Variants in ODR4 observed in about 807,000 individuals in gnomAD.
The protein encoded by ODR4 is protein odr-4 homolog.
A neutral mutation model predicts 60.2 loss-of-function variants in ODR4; 47 were observed. The observed-to-expected ratio is 0.78, with a 90% CI of 0.62 to 1.00. The LOEUF (loss-of-function observed/expected upper bound fraction) is 1.00. ODR4 is among the 50% of genes least tolerant of loss of function. ODR4 has a pLI of 0.00. For synonymous variants in ODR4, 178 were observed against 175.5 expected (o/e 1.01, Z -0.11); for missense variants, 488 against 530.8 (o/e 0.92, Z 0.79).
rs1413486983 is a variant in ODR4, at chr1:186,421,303, CAATTAT to C, written c.*2231_*2236del. The C allele has an allele frequency of 2.6e-5, 4 of 151,970 alleles. No homozygotes were observed. The highest frequency in any genetic ancestry group is 2.6e-4 in the Admixed American group (4 of 15,260). The allele number at this position is 151,970 out of a possible 1,614,324, so 9.4% of individuals were successfully genotyped here. On this transcript the variant is annotated 3_prime_UTR_variant, in exon 14 of 14. Transcript: ENST00000287859. ...AATTTAAACTGTTGTTTGTATAAAA[CAATTAT>C]AATGAAGTGTTTATAAGAAATTGTA...
intron 4 of ODR4, among the ~76,000 whole-genome samples, chr1:186,387,289 C>T (rs1191753786): frequency 2.0e-5 from 3 of 152,194 alleles, no homozygotes; most frequent in African/African-American, 4.8e-5. Flanking sequence ...ACTTTTCCAT[C>T]TTAAATAAAT....
chr1:186,398,858 T>G, intron 10 of ODR4, 96 bp from the exon 11 acceptor site: 1 of 816,274 alleles, frequency 1.2e-6, no homozygotes, highest in South Asian at 2.0e-5. Context: ...TGGGCATGAT[T>G]GTACTGGAAA....
rs536915930 is a variant in ODR4 at position 186,379,715 on chromosome 1, A to G, written c.-19-52A>G. On this transcript the variant is annotated intron_variant, in intron 1 of 13. Transcript: ENST00000287859. ...GCTAAACTACTCCCATGATAAAGAC[A>G]TTGCAAATGATATTTTACCTAAATG... The G allele has an allele frequency of 2.2e-3, 2,129 of 954,620 alleles. 5 individuals are homozygous for G. Among genetic ancestry groups the G allele is most frequent in the Non-Finnish European group, 2.6e-3 (1,609 of 626,986 alleles). 59.1% of individuals were successfully genotyped at this position (954,620 alleles called of 1,614,324 possible).
chr1:186,408,666 C>CA (rs1402279737), intron 12 of ODR4, among the ~76,000 whole-genome samples: 5 of 149,688 alleles, frequency 3.3e-5, no homozygotes, highest in Non-Finnish European at 5.9e-5. Context: ...AAACAATATA[C>CA]AAAAATGTAT....
chr1:186,424,958 C>T (rs1198205766), downstream of ODR4, among the ~76,000 whole-genome samples: 9 of 147,188 alleles, frequency 6.1e-5, no homozygotes, highest in Middle Eastern at 3.2e-3. Context: ...TCTACAGGGT[C>T]AGCCTAGATT....
intron 10 of ODR4, among the ~76,000 whole-genome samples, chr1:186,398,652 C>A (rs940908611): frequency 5.9e-5 from 9 of 152,022 alleles, no homozygotes; most frequent in African/African-American, 2.2e-4. Context: ...GATGGCTATA[C>A]AAGTTTAGTA....
At chr1:186,415,679 C>T (rs912624632) in intron 12 of ODR4, among the ~76,000 whole-genome samples, 1 of 152,126 alleles carries the variant, frequency 6.6e-6, no homozygotes, top group African/African-American at 2.4e-5. Flanking sequence ...TCTTTGTTTT[C>T]ATAGGATTCT....
rs1451627866 is a variant in ODR4 at position 186,375,988 on chromosome 1, AG to A, written c.-20+15del. 6.0e-5 allele frequency: 8 copies of A among 133,806 alleles called. No homozygotes were observed. The highest frequency in any genetic ancestry group is 1.1e-4 in the Non-Finnish European group (7 of 61,942). 8.3% of individuals were successfully genotyped at this position (133,806 alleles called of 1,614,324 possible). The stretch of plus-strand genomic sequence containing the variant: ...TTCTGAAAACAGGTAAGTCAGCCTA[AG>A]TGTAGTGTGTGTGTGTGTGTGTGTG... On this transcript the variant is annotated intron_variant, in intron 1 of 13. Coordinates refer to ENST00000287859, the MANE Select transcript of ODR4 (RefSeq NM_017847.6).
At chr1:186,402,792 G>A (rs77002915) in intron 11 of ODR4, among the ~76,000 whole-genome samples, 136 of 151,886 alleles carry the variant, frequency 9.0e-4, no homozygotes, top group African/African-American at 3.1e-3. Context: ...ATGGGGCTTT[G>A]TTATGTTGTC....
intron 2 of ODR4, among the ~76,000 whole-genome samples, chr1:186,381,620 C>T (rs181002071): frequency 1.0e-3 from 159 of 152,302 alleles, no homozygotes; most frequent in African/African-American, 3.8e-3. Flanking sequence ...AGCCACCGCG[C>T]CCGGCCTAAG....
chr1:186,377,356 A>C (rs532447283), intron 1 of ODR4, among the ~76,000 whole-genome samples: 5 of 152,330 alleles, frequency 3.3e-5, no homozygotes, highest in Admixed American at 2.0e-4. Context: ...GGTTGACTAC[A>C]TTTAAAAATT....
the ODR4 span, among the ~76,000 whole-genome samples, chr1:186,431,447 G>C: frequency 6.6e-6 from 1 of 152,054 alleles, no homozygotes; most frequent in African/African-American, 2.4e-5. Flanking sequence ...TATTTGGGAG[G>C]CTTATCTAAT....
downstream of ODR4, among the ~76,000 whole-genome samples, chr1:186,422,506 T>C (rs1426015727): frequency 6.6e-6 from 1 of 152,210 alleles, no homozygotes; most frequent in African/African-American, 2.4e-5. Flanking sequence ...AAGCATTGTA[T>C]ATTAGCAAAA....
At chr1:186,399,230 A>AG (rs1269719587) in intron 11 of ODR4, 186 bp downstream of exon 11, 2 of 582,630 alleles carry the variant, frequency 3.4e-6, no homozygotes, top group Non-Finnish European at 6.3e-6. Flanking sequence ...TTTTAGACAG[A>AG]GTCTCACTGT....
At chr1:186,430,858 C>CTTTTTT in the ODR4 span, among the ~76,000 whole-genome samples, 4 of 144,486 alleles carry the variant, frequency 2.8e-5, no homozygotes, top group Non-Finnish European at 1.5e-5. Flanking sequence ...CCCTCCCTCC[C>CTTTTTT]TTTTTTTTTT....
At chr1:186,418,327 G>T in intron 13 of ODR4, among the ~76,000 whole-genome samples, 1 of 121,466 alleles carries the variant, frequency 8.2e-6, no homozygotes, top group Non-Finnish European at 1.6e-5. Flanking sequence ...GTCTCGCTCT[G>T]TCGCCCAGGC....
At chr1:186,380,912 C>T (rs1558057423) in intron 2 of ODR4, among the ~76,000 whole-genome samples, 1 of 152,152 alleles carries the variant, frequency 6.6e-6, no homozygotes, top group Non-Finnish European at 1.5e-5. Context: ...TCTGAATAAA[C>T]TTAATCAATG....
chr1:186,389,191 T>C (rs1291878401), intron 5 of ODR4, among the ~76,000 whole-genome samples: 1 of 152,002 alleles, frequency 6.6e-6, no homozygotes, highest in African/African-American at 2.4e-5. Flanking sequence ...AGTATTTAAC[T>C]GCAAAGTTTC....
chr1:186,403,963 A>T (rs769890736), intron 11 of ODR4, among the ~76,000 whole-genome samples: 70 of 152,060 alleles, frequency 4.6e-4, no homozygotes, highest in Admixed American at 1.5e-3. Context: ...CACTTCTCCT[A>T]TCCCTTTATG....
Sources: allele counts gnomAD v4.1 joint callset (sites outside exome capture counted in the v4.1 genomes callset), GRCh38; gene constraint gnomAD v4.1.1; transcripts MANE v1.5; gene names NCBI Gene and HGNC (gene_info 2026-07-23, HGNC 2026-07-21).